The following GAB2 variants were observed in gnomAD, a reference collection of about 807,000 sequenced individuals.
GAB2 encodes GRB2 associated binding protein 2.
A neutral mutation model predicts 65.5 loss-of-function variants in GAB2; 26 were observed. That is an observed-to-expected ratio of 0.40 (90% CI 0.29 to 0.55). The LOEUF (loss-of-function observed/expected upper bound fraction) is 0.55, where lower values mean the gene tolerates loss of function less well. Among genes scored for constraint, GAB2 ranks in the 20% least tolerant of loss-of-function variants. The probability of loss-of-function intolerance (pLI) is 0.53; values close to 1 mark genes in which losing one functional copy is unlikely to be tolerated. For missense variants in GAB2, 884 were observed against 875.8 expected (o/e 1.01, Z -0.12); for synonymous variants, 321 against 329.6 (o/e 0.97, Z 0.28).
intron 1 of GAB2, among the ~76,000 whole-genome samples, chr11:78,332,109 C>G (rs566228984): frequency 6.6e-6 from 1 of 152,312 alleles, no homozygotes; most frequent in Admixed American, 6.5e-5. Context: ...AACAAACCCC[C>G]TCCAAAACTG....
chr11:78,240,926 T>C (rs139810429), intron 3 of GAB2, among the ~76,000 whole-genome samples: 50 of 152,234 alleles, frequency 3.3e-4, no homozygotes, highest in Middle Eastern at 3.4e-3. Context: ...GCTGCCACAA[T>C]AGGTTCATGA....
chr11:78,391,686 G>A (rs139222636), intron 1 of GAB2, among the ~76,000 whole-genome samples: 4 of 152,280 alleles, frequency 2.6e-5, no homozygotes, highest in Admixed American at 1.3e-4. Flanking sequence ...TGATGCTTTC[G>A]GAGGATTCCA....
chr11:78,346,682 T>TAC (rs1856186202), intron 1 of GAB2, among the ~76,000 whole-genome samples: 1 of 17,606 alleles, frequency 5.7e-5, no homozygotes, highest in Non-Finnish European at 1.7e-4. Context: ...TCCATATATA[T>TAC]ATATATATAT....
intron 1 of GAB2, among the ~76,000 whole-genome samples, chr11:78,395,608 C>T (rs1264458029): frequency 6.6e-6 from 1 of 152,192 alleles, no homozygotes; most frequent in Non-Finnish European, 1.5e-5. Context: ...AGGTTGTGAA[C>T]TCTGCCTAAG....
chr11:78,305,983 C>T (rs1221077515), intron 1 of GAB2, among the ~76,000 whole-genome samples: 2 of 152,174 alleles, frequency 1.3e-5, no homozygotes, highest in Non-Finnish European at 2.9e-5. Flanking sequence ...ATATTTTTTA[C>T]ACTGTAGCAG....
chr11:78,256,097 C>A (rs1865588201), intron 2 of GAB2, among the ~76,000 whole-genome samples: 1 of 152,052 alleles, frequency 6.6e-6, no homozygotes, highest in African/African-American at 2.4e-5. Flanking sequence ...AACACAAACA[C>A]CAAAAACTTA....
chr11:78,323,699 T>C (rs1300311055), intron 1 of GAB2, among the ~76,000 whole-genome samples: 1 of 151,928 alleles, frequency 6.6e-6, no homozygotes, highest in Non-Finnish European at 1.5e-5. Flanking sequence ...CTATGTTCAC[T>C]ATTTGGGTGA....
At chr11:78,408,639 C>T (rs568591538) in intron 1 of GAB2, among the ~76,000 whole-genome samples, 2 of 152,264 alleles carry the variant, frequency 1.3e-5, no homozygotes, top group Non-Finnish European at 2.9e-5. Context: ...TGTCCCTGCC[C>T]AAATCTGAGG....
intron 2 of GAB2, among the ~76,000 whole-genome samples, chr11:78,273,795 G>A (rs1188332106): frequency 6.6e-6 from 1 of 152,186 alleles, no homozygotes; most frequent in Non-Finnish European, 1.5e-5. Flanking sequence ...GTTGTTGGAA[G>A]GACCTGCTGG....
intron 1 of GAB2, among the ~76,000 whole-genome samples, chr11:78,343,379 GGA>G (rs1856130277): frequency 7.1e-6 from 1 of 140,064 alleles, no homozygotes; most frequent in Non-Finnish European, 1.6e-5. Context: ...GGGGAGGGAA[GGA>G]GAGAGGGAGA....
intron 1 of GAB2, among the ~76,000 whole-genome samples, chr11:78,380,535 T>TA (rs1856684752): frequency 6.6e-6 from 1 of 152,194 alleles, no homozygotes; most frequent in Non-Finnish European, 1.5e-5. Context: ...AAAGACTCCC[T>TA]AATAGCTGTA....
intron 1 of GAB2, among the ~76,000 whole-genome samples, chr11:78,311,491 G>A (rs767795516): frequency 1.7e-4 from 26 of 151,786 alleles, no homozygotes; most frequent in Non-Finnish European, 2.6e-4. Context: ...TTTGATATAA[G>A]AACAGTTCAA....
chr11:78,417,540 T>C (rs2135108140), intron 1 of GAB2, 106 bp downstream of exon 1: 5 of 337,890 alleles, frequency 1.5e-5, no homozygotes, highest in Non-Finnish European at 2.1e-5. Context: ...CCCCCGCGGC[T>C]CCGGGCCCGA....
intron 1 of GAB2, among the ~76,000 whole-genome samples, chr11:78,363,288 T>C (rs1488330978): frequency 4.6e-5 from 7 of 152,236 alleles, no homozygotes; most frequent in Admixed American, 4.6e-4. Flanking sequence ...TCAGCAATTC[T>C]GTGTGCTTAT....
chr11:78,219,775 A>C (rs1312143386), intron 9 of GAB2, among the ~76,000 whole-genome samples: 1 of 152,152 alleles, frequency 6.6e-6, no homozygotes, highest in Non-Finnish European at 1.5e-5. Flanking sequence ...GCTAGGTGCA[A>C]ACAAACATCA....
chr11:78,272,301 G>C (rs1252492506), intron 2 of GAB2, among the ~76,000 whole-genome samples: 1 of 152,220 alleles, frequency 6.6e-6, no homozygotes, highest in Non-Finnish European at 1.5e-5. Flanking sequence ...ATGTGGGAAA[G>C]TTTGGAACTT....
At chr11:78,401,619 T>C (rs1374616268) in intron 1 of GAB2, among the ~76,000 whole-genome samples, 2 of 152,036 alleles carry the variant, frequency 1.3e-5, no homozygotes, top group African/African-American at 4.8e-5. Context: ...ATTAAAGTTT[T>C]CTTCCCTTTT....
At chr11:78,245,984 C>T (rs1311768472) in intron 3 of GAB2, among the ~76,000 whole-genome samples, 5 of 145,312 alleles carry the variant, frequency 3.4e-5, no homozygotes, top group Admixed American at 7.1e-5. Context: ...TTGCTCTTCT[C>T]GCCCAGGCTG....
chr11:78,273,053 T>C (rs1451797145), intron 2 of GAB2, among the ~76,000 whole-genome samples: 8 of 152,204 alleles, frequency 5.3e-5, no homozygotes, highest in Admixed American at 3.9e-4. Context: ...AGAGGATGTA[T>C]GGAAGTATGG....
Sources: gnomAD v4.1 joint callset for allele counts (sites outside exome capture counted in the v4.1 genomes callset) on GRCh38, gnomAD v4.1.1 for gene constraint, MANE v1.5 for transcripts, NCBI Gene and HGNC (gene_info 2026-07-23, HGNC 2026-07-21) for gene names.